Variants in CFAP47 observed in about 807,000 individuals in gnomAD.
CFAP47 encodes cilia and flagella associated protein 47.
Under a neutral mutation model 148.1 loss-of-function variants are expected in CFAP47, and 29 were observed. The ratio of observed to expected loss-of-function variants is 0.20; its 90% confidence interval spans 0.15 to 0.27. The LOEUF is 0.27. Ranked by LOEUF, CFAP47 falls within the 10% of genes least tolerant of loss-of-function variation. CFAP47 has a pLI of 1.00. For missense variants in CFAP47, 1,872 were observed against 1,697.5 expected, an observed-to-expected ratio of 1.10 and a Z score of -1.81; for synonymous variants, 664 against 577.3, an observed-to-expected ratio of 1.15 and a Z score of -2.15.
intron 1 of CFAP47, among the ~76,000 whole-genome samples, chrX:35,925,168 C>A (rs992219819): frequency 5.4e-5 from 6 of 110,909 alleles, no homozygotes; most frequent in African/African-American, 2.0e-4. Context: ...GTCAGGAGAT[C>A]GAGACCATCC....
At chrX:36,011,320 C>A (rs1296721713) in intron 21 of CFAP47, among the ~76,000 whole-genome samples, 6 of 111,869 alleles carry the variant, frequency 5.4e-5, no homozygotes, top group Non-Finnish European at 1.1e-4. Flanking sequence ...TTACCACTTG[C>A]ACTTAGCCTA....
At position 36,153,119 on chromosome X, in the gene CFAP47, T is replaced by G. The variant is rs750052147; in HGVS notation, c.5786+3896T>G. Among the ~76,000 whole-genome samples, 8 of 111,540 alleles carry G rather than the reference T, an allele frequency of 7.2e-5. No individual in the cohort carries two copies. The South Asian group carries it at 1.1e-3, about 16-fold the overall frequency. ...TGGGTGAGATTCAAGGTATGATTCT[T>G]CCTAAGGCAAATTACTTTCCAGCTG... On this transcript the variant is annotated intron_variant, in intron 37 of 63. Coordinates refer to ENST00000378653, the MANE Select transcript of CFAP47 (RefSeq NM_001304548.2).
At chrX:36,328,153 T>C (rs1282242090) in intron 57 of CFAP47, among the ~76,000 whole-genome samples, 9 of 112,021 alleles carry the variant, frequency 8.0e-5, no homozygotes, top group Non-Finnish European at 1.3e-4. Flanking sequence ...AAAAATCAAT[T>C]CAATTTGAAT....
intron 51 of CFAP47, among the ~76,000 whole-genome samples, chrX:36,291,964 A>G (rs1229230079): frequency 9.0e-6 from 1 of 111,210 alleles, no homozygotes; most frequent in African/African-American, 3.3e-5. Flanking sequence ...CGGTCCTTGC[A>G]ATTAGAAATA....
At chrX:35,941,262 G>A (rs770378384) in intron 2 of CFAP47, 21 bp from the exon 3 acceptor site, 13 of 868,174 alleles carry the variant, frequency 1.5e-5, no homozygotes, top group Non-Finnish European at 2.1e-5. Context: ...TAATTATGTG[G>A]CCTTCTTTTC....
At chrX:36,030,562 T>C (rs1233627633) in intron 22 of CFAP47, among the ~76,000 whole-genome samples, 1 of 110,942 alleles carries the variant, frequency 9.0e-6, no homozygotes, top group Non-Finnish European at 1.9e-5. Context: ...AAATCATCCA[T>C]TAATTCCAGT....
Position 36,264,903 on chromosome X carries a change from C to A in CFAP47, c.7444+13459C>A, listed in dbSNP as rs782326117. On this transcript the variant is annotated intron_variant, in intron 49 of 63. Transcript: ENST00000378653. ...TTTGACTATTTGGGCACTTTTTTGG[C>A]TCCATATGAATTTTAAAACAATTTT... Among the ~76,000 whole-genome samples, 239 of 112,103 alleles carry A rather than the reference C, an allele frequency of 2.1e-3. 1 individual carries two copies. Among genetic ancestry groups the A allele is most frequent in the Non-Finnish European group, 3.5e-3 (184 of 53,252 alleles).
At chrX:36,052,393 G>A (rs1213663071) in intron 26 of CFAP47, among the ~76,000 whole-genome samples, 1 of 111,740 alleles carries the variant, frequency 8.9e-6, no homozygotes, top group African/African-American at 3.3e-5. Context: ...TTTAAAACAG[G>A]TACAATAAAA....
intron 33 of CFAP47, among the ~76,000 whole-genome samples, chrX:36,127,198 G>A (rs767811291): frequency 1.8e-5 from 2 of 111,879 alleles, no homozygotes; most frequent in Non-Finnish European, 3.8e-5. Context: ...TATTGCCCAG[G>A]TTTTCTTTGA....
In CFAP47 at chrX:36,151,370, C is replaced by T. The variant is rs760163911; in HGVS notation, c.5786+2147C>T. 1.9e-4 allele frequency among the ~76,000 whole-genome samples: 21 copies of T among 111,390 alleles called. No individual in the cohort carries two copies. In the East Asian group the frequency reaches 5.9e-3, roughly 31 times the overall value. On this transcript the variant is annotated intron_variant, in intron 37 of 63. Coordinates refer to ENST00000378653, the MANE Select transcript of CFAP47 (RefSeq NM_001304548.2). ...TACTTATGTATTTACATAATACAGG[C>T]ATTATATGTAAATATTAACATACTT...
intron 63 of CFAP47, among the ~76,000 whole-genome samples, chrX:36,383,555 A>AT (rs1341226377): frequency 1.8e-5 from 2 of 110,981 alleles, no homozygotes; most frequent in Admixed American, 9.6e-5. Context: ...ACGAAGTAAA[A>AT]TTTTTTTTTA....
At chrX:36,246,572 G>A (rs1602067514) in intron 48 of CFAP47, among the ~76,000 whole-genome samples, 1 of 111,408 alleles carries the variant, frequency 9.0e-6, no homozygotes, top group South Asian at 3.7e-4. Flanking sequence ...AAGATCTCAT[G>A]AGAATTCACT....
At chrX:36,172,037 G>A (rs1171256357) in intron 39 of CFAP47, among the ~76,000 whole-genome samples, 1 of 109,725 alleles carries the variant, frequency 9.1e-6, no homozygotes, top group African/African-American at 3.3e-5. Context: ...TGAATTCCTA[G>A]GTATTTTATT....
chrX:35,933,680 T>A (rs1935865471), intron 2 of CFAP47, among the ~76,000 whole-genome samples: 1 of 112,197 alleles, frequency 8.9e-6, no homozygotes. Flanking sequence ...CTAATTTACA[T>A]TCCTACCAAC....
chrX:36,302,851 T>C (rs1556008056), intron 53 of CFAP47, among the ~76,000 whole-genome samples: 1 of 112,293 alleles, frequency 8.9e-6, no homozygotes. Context: ...GATTTAGCAT[T>C]ATAAAACAAT....
At chrX:36,175,658 C>G (rs969204049) in intron 39 of CFAP47, among the ~76,000 whole-genome samples, 3 of 112,079 alleles carry the variant, frequency 2.7e-5, no homozygotes, top group African/African-American at 6.5e-5. Context: ...TCTGCCCATT[C>G]TCAGATCTCC....
intron 25 of CFAP47, among the ~76,000 whole-genome samples, chrX:36,046,094 T>C (rs1937462343): frequency 9.0e-6 from 1 of 111,122 alleles, no homozygotes; most frequent in South Asian, 3.8e-4. Flanking sequence ...TTTTTTCTTA[T>C]TAGCTAAATA....
Position 36,285,662 on chromosome X carries a change from A to G in CFAP47, c.7622A>G (p.Asn2541Ser), listed in dbSNP as rs185223464. Residue 2541 changes from asparagine (N) to serine (S), a missense_variant, in exon 51 of 64, where the codon AAT (asparagine) becomes AGT (serine). Coordinates refer to ENST00000378653, the MANE Select transcript of CFAP47 (RefSeq NM_001304548.2). ...GNFNNLRFWYNLEIHSTPGPP... is the reference protein window; with the variant it reads ...GNFNNLRFWYSLEIHSTPGPP... ...TTTAACAATTTAAGATTCTGGTATA[A>G]TCTTGAGATCCATAGCACTCCTGGA... 2,850 of 1,081,855 alleles carry G rather than the reference A, an allele frequency of 2.6e-3. 6 individuals carry two copies. The highest frequency in any genetic ancestry group is 3.3e-3 in the Non-Finnish European group (2,617 of 797,453). The allele number at this position is 1,081,855 out of a possible 1,213,427, so 89.2% of individuals were successfully genotyped here.
chrX:36,305,778 T>A (rs1189716519), intron 54 of CFAP47, among the ~76,000 whole-genome samples: 1 of 111,825 alleles, frequency 8.9e-6, no homozygotes, highest in Non-Finnish European at 1.9e-5. Flanking sequence ...TTTTGCTAAG[T>A]CTGACAGTGA....
Sources: allele counts gnomAD v4.1 joint callset (sites outside exome capture counted in the v4.1 genomes callset), GRCh38; gene constraint gnomAD v4.1.1; transcripts MANE v1.5; gene names NCBI Gene and HGNC (gene_info 2026-07-23, HGNC 2026-07-21).